ARK2N: variants seen among roughly 807,000 people sequenced by gnomAD.
ARK2N encodes the protein protein ARK2N.
chr18:46,238,860 A>T, the ARK2N span, among the ~76,000 whole-genome samples: 1 of 152,324 alleles, frequency 6.6e-6, no homozygotes, highest in South Asian at 2.1e-4. Context: ...ATTCATTGGC[A>T]CAGATGCATT....
At chr18:46,242,979 G>A in the ARK2N span, among the ~76,000 whole-genome samples, 1 of 152,088 alleles carries the variant, frequency 6.6e-6, no homozygotes, top group Non-Finnish European at 1.5e-5. Context: ...TGTGCATATT[G>A]GACTATAAAT....
the ARK2N span, among the ~76,000 whole-genome samples, chr18:46,178,312 T>A: frequency 1.3e-5 from 2 of 152,192 alleles, no homozygotes; most frequent in Admixed American, 1.3e-4. Context: ...CCTTTTATTT[T>A]TATTTATTTA....
the ARK2N span, among the ~76,000 whole-genome samples, chr18:46,226,797 C>T: frequency 6.7e-6 from 1 of 149,496 alleles, no homozygotes; most frequent in Non-Finnish European, 1.5e-5. Flanking sequence ...GGGTTTTCCA[C>T]TGGATTTACT....
the ARK2N span, chr18:46,228,632 C>T: frequency 2.5e-6 from 1 of 393,108 alleles, no homozygotes; most frequent in Non-Finnish European, 4.5e-6. Context: ...GTCATCTACA[C>T]TGGAGTGCAG....
the ARK2N span, among the ~76,000 whole-genome samples, chr18:46,221,372 C>G: frequency 6.6e-6 from 1 of 150,588 alleles, no homozygotes; most frequent in Non-Finnish European, 1.5e-5. Flanking sequence ...ATGGTGAAAC[C>G]CCATCTCTAC....
the ARK2N span, among the ~76,000 whole-genome samples, chr18:46,255,115 A>T: frequency 1.3e-5 from 2 of 152,366 alleles, no homozygotes; most frequent in African/African-American, 4.8e-5. Context: ...CTTATATAAA[A>T]GACAAACTTA....
chr18:46,209,835 C>T, the ARK2N span, among the ~76,000 whole-genome samples: 3 of 152,118 alleles, frequency 2.0e-5, no homozygotes, highest in African/African-American at 7.2e-5. Flanking sequence ...ACCTCGTGAT[C>T]CGCCTGCCTC....
the ARK2N span, among the ~76,000 whole-genome samples, chr18:46,262,417 G>T: frequency 6.6e-6 from 1 of 152,294 alleles, no homozygotes; most frequent in African/African-American, 2.4e-5. Flanking sequence ...CTTTATTCAT[G>T]ATCTATTACT....
the ARK2N span, among the ~76,000 whole-genome samples, chr18:46,250,422 T>G: frequency 6.6e-6 from 1 of 151,138 alleles, no homozygotes; most frequent in Admixed American, 6.6e-5. Flanking sequence ...GTCAGAAACC[T>G]AAGCATCATT....
the ARK2N span, among the ~76,000 whole-genome samples, chr18:46,187,237 G>A: frequency 6.6e-6 from 1 of 150,720 alleles, no homozygotes; most frequent in Non-Finnish European, 1.5e-5. Context: ...AGCTAAGATC[G>A]CGTCATTGCA....
chr18:46,255,570 G>T, the ARK2N span, among the ~76,000 whole-genome samples: 1 of 147,904 alleles, frequency 6.8e-6, no homozygotes, highest in Non-Finnish European at 1.5e-5. Flanking sequence ...TCCTGTCTCA[G>T]GCCCCTGAGT....
the ARK2N span, chr18:46,262,876 T>C: frequency 3.0e-5 from 47 of 1,561,874 alleles, no homozygotes; most frequent in Middle Eastern, 6.9e-4. Flanking sequence ...TATTGTCTTC[T>C]GTTTTTCCTG....
At chr18:46,209,822 C>T in the ARK2N span, among the ~76,000 whole-genome samples, 2 of 152,150 alleles carry the variant, frequency 1.3e-5, no homozygotes, top group African/African-American at 4.8e-5. Context: ...TCTTGAACCC[C>T]TGACCTCGTG....
the ARK2N span, among the ~76,000 whole-genome samples, chr18:46,245,414 CA>C: frequency 2.0e-5 from 3 of 151,570 alleles, no homozygotes; most frequent in Non-Finnish European, 4.4e-5. Flanking sequence ...AAAAAAAATA[CA>C]AAAATTAGCT....
chr18:46,188,025 A>G, the ARK2N span, among the ~76,000 whole-genome samples: 2 of 152,316 alleles, frequency 1.3e-5, no homozygotes, highest in South Asian at 4.1e-4. Flanking sequence ...CATTTGGCAT[A>G]CATTGAGCAT....
At chr18:46,192,070 CAATTTTT>C in the ARK2N span, among the ~76,000 whole-genome samples, 1 of 152,110 alleles carries the variant, frequency 6.6e-6, no homozygotes, top group Non-Finnish European at 1.5e-5. Context: ...AAGTCGCTTC[CAATTTTT>C]GATAGTATGT....
At chr18:46,205,089 G>A in the ARK2N span, among the ~76,000 whole-genome samples, 1 of 151,896 alleles carries the variant, frequency 6.6e-6, no homozygotes, top group African/African-American at 2.4e-5. Context: ...TTGTATTTTG[G>A]TAGAGACGGG....
the ARK2N span, chr18:46,217,038 G>A: frequency 6.5e-6 from 1 of 154,116 alleles, no homozygotes; most frequent in African/African-American, 2.4e-5. Context: ...TCTATCTTTT[G>A]TTAAAGTTTT....
the ARK2N span, among the ~76,000 whole-genome samples, chr18:46,197,254 T>C: frequency 7.3e-3 from 1,096 of 149,406 alleles, 17 homozygotes; most frequent in Middle Eastern, 0.017. Flanking sequence ...TGTCCCTTTC[T>C]TTTTTTTTTG....
Sources: gnomAD v4.1 joint callset for allele counts (sites outside exome capture counted in the v4.1 genomes callset) on GRCh38, gnomAD v4.1.1 for gene constraint, MANE v1.5 for transcripts, NCBI Gene and HGNC (gene_info 2026-07-23, HGNC 2026-07-21) for gene names.